The following SHC3 variants were observed in gnomAD, a reference collection of about 807,000 sequenced individuals.
SHC3 encodes SHC-transforming protein 3.
A neutral mutation model predicts 60.4 loss-of-function variants in SHC3; 15 were observed. The ratio of observed to expected loss-of-function variants is 0.25; its 90% CI spans 0.17 to 0.38. The LOEUF (loss-of-function observed/expected upper bound fraction) is 0.38. SHC3 is among the 10% of genes least tolerant of loss of function. The probability of loss-of-function intolerance (pLI) is 1.00; values close to 1 mark genes in which losing one functional copy is unlikely to be tolerated. For synonymous variants in SHC3, 294 were observed against 325.9 expected (o/e 0.90, Z 1.05); for missense variants, 677 against 786.1 (o/e 0.86, Z 1.66).
At chr9:89,056,634 C>T (rs1205502206) in intron 6 of SHC3, among the ~76,000 whole-genome samples, 1 of 152,254 alleles carries the variant, frequency 6.6e-6, no homozygotes, top group Non-Finnish European at 1.5e-5. Context: ...CAGCTGAGAA[C>T]CCACTTTGCT....
At chr9:89,094,539 T>C (rs1825671782) in intron 2 of SHC3, among the ~76,000 whole-genome samples, 1 of 152,240 alleles carries the variant, frequency 6.6e-6, no homozygotes, top group South Asian at 2.1e-4. Context: ...TTGACATTTA[T>C]AGAGTGTTTA....
At chr9:89,130,135 G>T (rs770121225) in intron 1 of SHC3, among the ~76,000 whole-genome samples, 1 of 151,964 alleles carries the variant, frequency 6.6e-6, no homozygotes, top group Non-Finnish European at 1.5e-5. Context: ...GATAAAACAG[G>T]CTTCAAACCA....
At chr9:89,170,807 T>C (rs1230219834) in intron 1 of SHC3, among the ~76,000 whole-genome samples, 1 of 152,202 alleles carries the variant, frequency 6.6e-6, no homozygotes, top group Non-Finnish European at 1.5e-5. Context: ...GCATTTACAT[T>C]ATAATAGATA....
rs945459135 is a variant in SHC3, at chr9:89,012,849, G to C, written c.*598C>G. ...TGCAGCGAGTTGTGTAGACACCCCA[G>C]GCACGTGGAGTGCAGTGCAGGGAGC... On this transcript the variant is annotated 3_prime_UTR_variant, in exon 12 of 12. Transcript: ENST00000375835. 3.9e-5 allele frequency: 6 copies of C among 152,224 alleles called. No homozygotes were observed. The highest frequency in any genetic ancestry group is 1.4e-4 in the African/African-American group (6 of 41,434). 9.4% of individuals were successfully genotyped at this position (152,224 alleles called of 1,614,324 possible).
rs199506968 is a variant in SHC3, at chr9:89,127,779, A to ACC, written c.475-15155_475-15154dup. 4.7e-3 allele frequency among the ~76,000 whole-genome samples: 680 copies of ACC among 144,596 alleles called. 3 individuals are homozygous for ACC. Among genetic ancestry groups the ACC allele is most frequent in the African/African-American group, 0.015 (579 of 39,106 alleles). The allele number at this position is 144,596 out of a possible 152,430, so 94.9% of individuals were successfully genotyped here. Reference sequence around the variant, plus strand: ...GAAGGTATGGCAATGTCCCCACTCCACCCCCCCCCACCACTGAGAAATAAA... The same window carrying ACC: ...GAAGGTATGGCAATGTCCCCACTCCACCCCCCCCCCCACCACTGAGAAATAAA... On this transcript the variant is annotated intron_variant, in intron 1 of 11. Transcript: ENST00000375835.
In SHC3 at chr9:89,108,309, T is replaced by C. The variant is rs571161409; in HGVS notation, c.545+4247A>G. On this transcript the variant is annotated intron_variant, in intron 2 of 11. Transcript: ENST00000375835. ...GAATGGATCACTTGAGCCCAGGAGT[T>C]AGAGAGCAGCCTGGTCAACATGGCA... Among the ~76,000 whole-genome samples, 17 of 150,746 alleles carry C rather than the reference T, an allele frequency of 1.1e-4. 1 individual carries two copies. The highest frequency in any genetic ancestry group is 4.2e-4 in the African/African-American group (17 of 40,904).
intron 1 of SHC3, among the ~76,000 whole-genome samples, chr9:89,135,609 A>G (rs1031777353): frequency 6.6e-6 from 1 of 152,184 alleles, no homozygotes; most frequent in Non-Finnish European, 1.5e-5. Context: ...ATAGAGAGAG[A>G]GAAAAAATTA....
At chr9:89,107,535 G>A (rs1329348959) in intron 2 of SHC3, among the ~76,000 whole-genome samples, 1 of 152,216 alleles carries the variant, frequency 6.6e-6, no homozygotes, top group African/African-American at 2.4e-5. Flanking sequence ...CAGGCAAGCT[G>A]GTGTTTTCAA....
chr9:89,148,552 G>T (rs1263855931), intron 1 of SHC3, among the ~76,000 whole-genome samples: 1 of 152,196 alleles, frequency 6.6e-6, no homozygotes, highest in Admixed American at 6.5e-5. Context: ...AAGGATACAG[G>T]TAACTTTCAA....
intron 1 of SHC3, among the ~76,000 whole-genome samples, chr9:89,130,088 C>G (rs376524015): frequency 4.6e-5 from 7 of 150,956 alleles, no homozygotes; most frequent in South Asian, 4.2e-4. Flanking sequence ...GGAAAACAAA[C>G]AAACAAAAAA....
chr9:89,027,507 G>A (rs1053030052), intron 11 of SHC3, among the ~76,000 whole-genome samples: 31 of 151,934 alleles, frequency 2.0e-4, no homozygotes, highest in African/African-American at 6.3e-4. Flanking sequence ...TAGTAGAAAC[G>A]GGGTTTCACC....
intron 1 of SHC3, among the ~76,000 whole-genome samples, chr9:89,132,391 C>T (rs1826259990): frequency 6.6e-6 from 1 of 152,112 alleles, no homozygotes; most frequent in African/African-American, 2.4e-5. Context: ...ACTTTCTTCA[C>T]AGAATTGGAA....
chr9:89,027,632 A>AT (rs1826342162), intron 11 of SHC3, among the ~76,000 whole-genome samples: 1 of 152,098 alleles, frequency 6.6e-6, no homozygotes, highest in African/African-American at 2.4e-5. Flanking sequence ...CAAAATGCTG[A>AT]TTTTTCATAG....
rs1824559990 is a variant in SHC3, at chr9:89,035,685, G to T, written c.1656+2308C>A. ...AACGTGTTGAGCCTCGGCCAGGTGT[G>T]GTGGCTCACACCTGTAATCCCAGCT... On this transcript the variant is annotated intron_variant, in intron 11 of 11. Coordinates refer to ENST00000375835, the MANE Select transcript of SHC3 (RefSeq NM_016848.6). Among the ~76,000 whole-genome samples, 4 of 151,988 alleles carry T rather than the reference G, an allele frequency of 2.6e-5. No individual in the cohort carries two copies. The South Asian group carries it at 8.3e-4, about 32-fold the overall frequency.
intron 1 of SHC3, among the ~76,000 whole-genome samples, chr9:89,138,247 G>A (rs1350789800): frequency 3.3e-5 from 5 of 152,216 alleles, no homozygotes; most frequent in Non-Finnish European, 5.9e-5. Context: ...ATAGAACTAC[G>A]TGAAAGCAAA....
chr9:89,037,969 G>A (rs1445455620), intron 11 of SHC3, 24 bp downstream of exon 11: 4 of 1,600,714 alleles, frequency 2.5e-6, no homozygotes, highest in Non-Finnish European at 3.4e-6. Flanking sequence ...GGCAGGTCCG[G>A]CCCCACCCCC....
At chr9:89,050,345 G>T (rs1208248535) in intron 7 of SHC3, among the ~76,000 whole-genome samples, 2 of 152,226 alleles carry the variant, frequency 1.3e-5, no homozygotes, top group South Asian at 2.1e-4. Flanking sequence ...GAGTGCAGCA[G>T]CACAATCTCA....
chr9:89,143,772 C>A (rs1014932083), intron 1 of SHC3, among the ~76,000 whole-genome samples: 1 of 152,148 alleles, frequency 6.6e-6, no homozygotes, highest in Admixed American at 6.5e-5. Flanking sequence ...TTGCTTGGAA[C>A]CTCCAGGGAC....
intron 2 of SHC3, among the ~76,000 whole-genome samples, chr9:89,090,585 GGCTGAGGAGGTT>G (rs1825606203): frequency 6.6e-6 from 1 of 152,202 alleles, no homozygotes; most frequent in African/African-American, 2.4e-5. Context: ...GGGCCTTGGA[GGCTGAGGAGGTT>G]TGAGAGAGGA....
Sources: gnomAD v4.1 joint callset for allele counts (sites outside exome capture counted in the v4.1 genomes callset) on GRCh38, gnomAD v4.1.1 for gene constraint, MANE v1.5 for transcripts, NCBI Gene and HGNC (gene_info 2026-07-23, HGNC 2026-07-21) for gene names.